Variants in PDE4D observed in about 807,000 individuals in gnomAD.
The protein encoded by PDE4D is phosphodiesterase 4D.
In PDE4D, 24 loss-of-function variants were observed where a neutral mutation model predicts 87.4. The ratio of observed to expected loss-of-function variants is 0.27; its 90% CI spans 0.20 to 0.39. PDE4D has a LOEUF of 0.39. Among genes scored for constraint, PDE4D ranks in the 10% least tolerant of loss-of-function variants. The probability of loss-of-function intolerance (pLI) is 1.00; values close to 1 mark genes in which losing one functional copy is unlikely to be tolerated. For missense variants in PDE4D, 714 were observed against 1,041.0 expected, an observed-to-expected ratio of 0.69 and a Z score of 4.32; for synonymous variants, 384 against 383.2, an observed-to-expected ratio of 1.00 and a Z score of -0.02.
chr5:60,287,109 G>A (rs1043225256), intron 1 of PDE4D, among the ~76,000 whole-genome samples: 8 of 152,076 alleles, frequency 5.3e-5, no homozygotes, highest in African/African-American at 1.7e-4. Flanking sequence ...ATTATATTCC[G>A]AAAGTCTTTA....
chr5:59,944,638 TG>T (rs1272208789), intron 3 of PDE4D, among the ~76,000 whole-genome samples: 1 of 152,024 alleles, frequency 6.6e-6, no homozygotes, highest in Non-Finnish European at 1.5e-5. Context: ...CCCAAAGTGC[TG>T]GGATTACAGG....
chr5:60,065,272 T>A (rs1219889079), intron 2 of PDE4D, among the ~76,000 whole-genome samples: 6 of 66,122 alleles, frequency 9.1e-5, no homozygotes, highest in African/African-American at 3.3e-4. Context: ...GTGTGTGTCG[T>A]GTGTGTGTGT....
intron 2 of PDE4D, among the ~76,000 whole-genome samples, chr5:60,054,008 T>C (rs1010490442): frequency 2.0e-5 from 3 of 152,120 alleles, no homozygotes; most frequent in Non-Finnish European, 4.4e-5. Flanking sequence ...CCAGTTAGAA[T>C]GGTGATAATT....
intron 2 of PDE4D, among the ~76,000 whole-genome samples, chr5:60,156,219 C>T (rs778391546): frequency 2.0e-5 from 3 of 152,190 alleles, no homozygotes; most frequent in Non-Finnish European, 2.9e-5. Flanking sequence ...GCTCGGGCCT[C>T]GCTACTGTTT....
intron 5 of PDE4D, among the ~76,000 whole-genome samples, chr5:59,146,906 T>C (rs2153458001): frequency 6.6e-6 from 1 of 152,304 alleles, no homozygotes; most frequent in Admixed American, 6.5e-5. Flanking sequence ...AGCCACAGAC[T>C]GCTTCCGGTC....
chr5:60,489,850 T>G (rs940058493), upstream of PDE4D: 1 of 152,178 alleles, frequency 6.6e-6, no homozygotes, highest in Non-Finnish European at 1.5e-5. Flanking sequence ...AAAATCCCCT[T>G]GAACTCCCAT....
In PDE4D at chr5:59,771,433, A is replaced by AAAGG. The variant is rs1763434014; in HGVS notation, c.455+121734_455+121735insCCTT. Among the ~76,000 whole-genome samples, 5 of 93,830 alleles carry AAAGG rather than the reference A, an allele frequency of 5.3e-5. 1 individual carries two copies. The highest frequency in any genetic ancestry group is 2.0e-4 in the African/African-American group (5 of 24,746). The allele number at this position is 93,830 out of a possible 152,430, so 61.6% of individuals were successfully genotyped here. A position where few individuals can be genotyped will look rare whatever the true frequency, so the allele number is the denominator to read the frequency against. Reference sequence around the variant, plus strand: ...AAAAAGAAGGAAAGAAAGAAAAAGAAAAAGAAAGAAAGAAAGAAAGAAAGA... The same window carrying AAAGG: ...AAAAAGAAGGAAAGAAAGAAAAAGAAAAGGAAAGAAAGAAAGAAAGAAAGAAAGA... On this transcript the variant is annotated intron_variant, in intron 1 of 14. Transcript: ENST00000340635.
chr5:59,625,369 T>G (rs1305078119), intron 1 of PDE4D, among the ~76,000 whole-genome samples: 4 of 152,180 alleles, frequency 2.6e-5, no homozygotes, highest in Non-Finnish European at 5.9e-5. Flanking sequence ...GTGGCAGTAA[T>G]GATCTTGAGA....
At chr5:59,586,317 T>C (rs374290675) in intron 1 of PDE4D, 4 of 1,581,654 alleles carry the variant, frequency 2.5e-6, no homozygotes, top group Middle Eastern at 1.7e-4. Context: ...GAAGGGAATA[T>C]TGATTACTCA....
At chr5:60,320,580 G>A (rs1019377799) in intron 1 of PDE4D, among the ~76,000 whole-genome samples, 4 of 152,132 alleles carry the variant, frequency 2.6e-5, no homozygotes, top group Non-Finnish European at 5.9e-5. Flanking sequence ...CGCTCACGCT[G>A]GGAGCTTTAG....
chr5:59,584,012 C>T (rs915743047), intron 1 of PDE4D, among the ~76,000 whole-genome samples: 2 of 152,176 alleles, frequency 1.3e-5, no homozygotes, highest in Non-Finnish European at 2.9e-5. Flanking sequence ...TCTGATCGGT[C>T]CCTTCACGAA....
At chr5:60,384,950 C>G (rs1489995861) in intron 1 of PDE4D, among the ~76,000 whole-genome samples, 1 of 152,230 alleles carries the variant, frequency 6.6e-6, no homozygotes, top group African/African-American at 2.4e-5. Context: ...GTCAACAAAC[C>G]TAAACCTTGA....
chr5:60,430,109 TCTC>T (rs1387563489), intron 1 of PDE4D: 1 of 524,706 alleles, frequency 1.9e-6, no homozygotes, highest in Non-Finnish European at 3.8e-6. Flanking sequence ...GGAGTTCCCA[TCTC>T]CTTCAGGGCA....
At chr5:60,435,239 A>G (rs974668174) in intron 1 of PDE4D, among the ~76,000 whole-genome samples, 8 of 152,138 alleles carry the variant, frequency 5.3e-5, no homozygotes, top group African/African-American at 1.9e-4. Context: ...TCTGATTACT[A>G]AATCTCTATC....
intron 2 of PDE4D, among the ~76,000 whole-genome samples, chr5:59,994,519 T>C (rs957531686): frequency 2.6e-5 from 4 of 152,102 alleles, no homozygotes; most frequent in Non-Finnish European, 5.9e-5. Context: ...TACATGCTCA[T>C]TGATTATAAG....
At chr5:59,376,500 G>C (rs1186278777) in intron 1 of PDE4D, among the ~76,000 whole-genome samples, 1 of 151,918 alleles carries the variant, frequency 6.6e-6, no homozygotes, top group Admixed American at 6.6e-5. Context: ...TCTCTACAAG[G>C]AGAACTACAT....
At chr5:60,302,966 A>C (rs1042153581) in intron 1 of PDE4D, among the ~76,000 whole-genome samples, 2 of 152,066 alleles carry the variant, frequency 1.3e-5, no homozygotes, top group African/African-American at 4.8e-5. Context: ...AGTAGCTGGG[A>C]CTACAGGTGC....
At chr5:60,351,420 G>A (rs1168684561) in intron 1 of PDE4D, among the ~76,000 whole-genome samples, 1 of 152,168 alleles carries the variant, frequency 6.6e-6, no homozygotes, top group East Asian at 1.9e-4. Context: ...GATGTAAGAG[G>A]AAATATTGCA....
At chr5:60,068,681 G>A (rs376167131) in intron 2 of PDE4D, among the ~76,000 whole-genome samples, 1 of 151,804 alleles carries the variant, frequency 6.6e-6, no homozygotes, top group African/African-American at 2.4e-5. Context: ...GCAACCTCTG[G>A]CACCTCCCAG....
Sources: gnomAD v4.1 joint callset for allele counts (sites outside exome capture counted in the v4.1 genomes callset) on GRCh38, gnomAD v4.1.1 for gene constraint, MANE v1.5 for transcripts, NCBI Gene and HGNC (gene_info 2026-07-23, HGNC 2026-07-21) for gene names.